RNF111: variants seen among roughly 807,000 people sequenced by gnomAD.
The protein encoded by RNF111 is ring finger protein 111.
Under a neutral mutation model 95.1 loss-of-function variants are expected in RNF111, and 17 were observed. That is an observed-to-expected ratio of 0.18 (90% confidence interval 0.12 to 0.27). The LOEUF is 0.27. RNF111 is among the 10% of genes least tolerant of loss of function. The probability of loss-of-function intolerance (pLI) is 1.00; values close to 1 mark genes in which losing one functional copy is unlikely to be tolerated. For missense variants in RNF111, 1,189 were observed against 1,210.4 expected, an observed-to-expected ratio of 0.98 and a Z score of 0.26; for synonymous variants, 440 against 414.8, an observed-to-expected ratio of 1.06 and a Z score of -0.74.
chr15:58,994,554 T>C (rs1461504115), intron 1 of RNF111, among the ~76,000 whole-genome samples: 2 of 146,222 alleles, frequency 1.4e-5, no homozygotes, highest in Non-Finnish European at 3.0e-5. Flanking sequence ...CTCGGCTCAC[T>C]GTAACCTCCA....
chr15:59,023,441 G>A (rs969315524), intron 1 of RNF111, among the ~76,000 whole-genome samples: 1 of 151,952 alleles, frequency 6.6e-6, no homozygotes. Context: ...CATTCCTCTT[G>A]TAAGTAGTAT....
chr15:58,998,648 A>G (rs2039188655), intron 1 of RNF111, among the ~76,000 whole-genome samples: 1 of 152,228 alleles, frequency 6.6e-6, no homozygotes, highest in African/African-American at 2.4e-5. Flanking sequence ...ATTTTCTCAA[A>G]AATAAATGAA....
chr15:59,024,382 C>T (rs1363417463), intron 1 of RNF111, among the ~76,000 whole-genome samples: 1 of 152,124 alleles, frequency 6.6e-6, no homozygotes, highest in East Asian at 1.9e-4. Context: ...TAGAGATCTG[C>T]CTAGATGAGA....
At chr15:59,005,419 T>C (rs1257972703) in intron 1 of RNF111, among the ~76,000 whole-genome samples, 1 of 152,252 alleles carries the variant, frequency 6.6e-6, no homozygotes, top group Admixed American at 6.5e-5. Flanking sequence ...AATAAACTTA[T>C]TGGACTTCAT....
At chr15:58,995,700 G>A (rs1033013523) in intron 1 of RNF111, among the ~76,000 whole-genome samples, 2 of 149,806 alleles carry the variant, frequency 1.3e-5, no homozygotes, top group Admixed American at 6.7e-5. Context: ...TTGTGACCTC[G>A]TGATCCACCT....
intron 1 of RNF111, among the ~76,000 whole-genome samples, chr15:59,027,017 G>A (rs191650809): frequency 6.6e-6 from 1 of 152,214 alleles, no homozygotes; most frequent in African/African-American, 2.4e-5. Context: ...TTTGGCTTTG[G>A]GACATGAAAT....
At chr15:59,089,336 G>A (rs749439262) in intron 10 of RNF111, among the ~76,000 whole-genome samples, 12 of 152,152 alleles carry the variant, frequency 7.9e-5, no homozygotes, top group East Asian at 1.9e-4. Context: ...TCTTGAAGTC[G>A]AATTTTGTTG....
chr15:59,079,209 T>C (rs2078663927), intron 7 of RNF111, among the ~76,000 whole-genome samples: 1 of 152,246 alleles, frequency 6.6e-6, no homozygotes, highest in African/African-American at 2.4e-5. Flanking sequence ...TGCTTTGTAA[T>C]ATTTGTGAAT....
chr15:59,051,118 T>G (rs1303467845), intron 2 of RNF111, among the ~76,000 whole-genome samples: 2 of 152,154 alleles, frequency 1.3e-5, no homozygotes. Flanking sequence ...GGATGCACTT[T>G]CCAAGTTTAG....
rs1159641108 is a variant in RNF111 at position 59,084,230 on chromosome 15, G to T, written c.2399G>T (p.Arg800Leu). Residue 800 changes from arginine (R) to leucine (L), a missense_variant, in exon 9 of 14, where the codon CGA becomes CTA. Arg to Leu is a moderately radical substitution (Grantham distance 102, BLOSUM62 -2). Transcript: ENST00000348370. ...HVPQTMSSHP[R>L]QAPERSAWEL... ...CCTCAGACTATGTCCTCACATCCTC[G>T]ACAGGCTCCAGAGAGGTCTGCCTGG... 2 of 1,592,998 alleles carry T rather than the reference G, an allele frequency of 1.3e-6. No individual in the cohort carries two copies. The highest frequency in any genetic ancestry group is 1.1e-5 in the South Asian group (1 of 87,412).
chr15:59,014,498 G>A (rs1024225203), intron 1 of RNF111, among the ~76,000 whole-genome samples: 2 of 152,180 alleles, frequency 1.3e-5, no homozygotes, highest in Admixed American at 6.5e-5. Flanking sequence ...GTATCTATGT[G>A]TTGACTTTTC....
intron 7 of RNF111, among the ~76,000 whole-genome samples, chr15:59,077,488 G>T (rs1176140885): frequency 6.6e-6 from 1 of 152,118 alleles, no homozygotes; most frequent in Non-Finnish European, 1.5e-5. Flanking sequence ...TGTACACATA[G>T]ATAGGTATAT....
rs2079159144 is a variant in RNF111 at position 59,095,322 on chromosome 15, A to G, written c.*422A>G. On this transcript the variant is annotated 3_prime_UTR_variant, in exon 14 of 14. Transcript: ENST00000348370. ...TAACCTTTAATTTAATCAATCATGT[A>G]CTTTAGTTTAATGTATAAAGATCCT... 1 of 177,298 alleles carries G rather than the reference A, an allele frequency of 5.6e-6. No homozygotes were observed. Among genetic ancestry groups the G allele is most frequent in the African/African-American group, 2.4e-5 (1 of 41,576 alleles). 11.0% of individuals were successfully genotyped at this position (177,298 alleles called of 1,614,324 possible).
intron 1 of RNF111, among the ~76,000 whole-genome samples, chr15:58,989,367 A>G (rs1486538375): frequency 2.0e-5 from 3 of 152,226 alleles, no homozygotes; most frequent in African/African-American, 4.8e-5. Context: ...ACCTTGGACA[A>G]ATGACTTTAT....
chr15:59,042,396 G>T (rs2141874116), intron 2 of RNF111, among the ~76,000 whole-genome samples: 1 of 152,264 alleles, frequency 6.6e-6, no homozygotes, highest in East Asian at 1.9e-4. Context: ...AAGGTGCTGG[G>T]ATTATAGGCG....
chr15:59,083,061 A>G (rs1490443901), intron 8 of RNF111, among the ~76,000 whole-genome samples: 1 of 152,002 alleles, frequency 6.6e-6, no homozygotes, highest in Non-Finnish European at 1.5e-5. Context: ...AGGTGGGAGG[A>G]TCACTTAAGC....
Position 59,078,616 on chromosome 15 carries a change from C to T in RNF111, c.1949-2320C>T, listed in dbSNP as rs185368431. On this transcript the variant is annotated intron_variant, in intron 7 of 13. Transcript: ENST00000348370. ...CTCACGCCTGTAATCCCAGCACTTT[C>T]GGGAGGCCGAGGCGGGTGGATCACC... 4.0e-5 allele frequency among the ~76,000 whole-genome samples: 6 copies of T among 150,340 alleles called. No homozygotes were observed. The East Asian group carries it at 1.2e-3, about 29-fold the overall frequency.
At chr15:59,012,733 C>T (rs2039884255) in intron 1 of RNF111, among the ~76,000 whole-genome samples, 1 of 145,948 alleles carries the variant, frequency 6.9e-6, no homozygotes. Context: ...GTGGTTCCAA[C>T]TCTTTTTTTC....
chr15:59,084,893 C>G (rs1254129539), intron 9 of RNF111, among the ~76,000 whole-genome samples: 1 of 152,086 alleles, frequency 6.6e-6, no homozygotes, highest in Non-Finnish European at 1.5e-5. Context: ...TTCAGGGTTA[C>G]TACCAAAGTT....
Sources: allele counts gnomAD v4.1 joint callset (sites outside exome capture counted in the v4.1 genomes callset), GRCh38; gene constraint gnomAD v4.1.1; transcripts MANE v1.5; gene names NCBI Gene and HGNC (gene_info 2026-07-23, HGNC 2026-07-21).